PCNX2: variants seen among roughly 807,000 people sequenced by gnomAD.
PCNX2 encodes the protein pecanex 2.
A neutral mutation model predicts 223.8 loss-of-function variants in PCNX2; 168 were observed. The observed-to-expected ratio is 0.75, with a 90% CI of 0.66 to 0.85. The LOEUF (loss-of-function observed/expected upper bound fraction) is 0.85, where lower values mean the gene tolerates loss of function less well. Among genes scored for constraint, PCNX2 ranks in the 40% least tolerant of loss-of-function variants. The pLI, the probability that PCNX2 is intolerant of heterozygous loss-of-function variation, is 0.00. For synonymous variants in PCNX2, 1,006 were observed against 1,052.6 expected, an observed-to-expected ratio of 0.96 and a Z score of 0.86; for missense variants, 2,507 against 2,675.5, an observed-to-expected ratio of 0.94 and a Z score of 1.39.
At chr1:233,178,991 CTCAG>C (rs1679641320) in intron 16 of PCNX2, 71 bp downstream of exon 16, 2 of 1,327,758 alleles carry the variant, frequency 1.5e-6, no homozygotes, top group South Asian at 2.6e-5. Flanking sequence ...GTCTGCCCAT[CTCAG>C]TCAGGGCACA....
chr1:233,007,937 C>T (rs1440724131), intron 28 of PCNX2, among the ~76,000 whole-genome samples: 2 of 152,180 alleles, frequency 1.3e-5, no homozygotes, highest in Non-Finnish European at 2.9e-5. Context: ...CCTCAGCCTC[C>T]CAAAGTGCTG....
At chr1:233,236,808 A>C (rs1284935752) in intron 9 of PCNX2, 37 bp downstream of exon 9, 2 of 1,600,594 alleles carry the variant, frequency 1.2e-6, no homozygotes, top group Non-Finnish European at 1.7e-6. Flanking sequence ...CCCTGTTTCC[A>C]GAACATCCAC....
At chr1:233,217,852 A>C (rs957325504) in intron 12 of PCNX2, 47 bp downstream of exon 12, 139 of 1,611,752 alleles carry the variant, frequency 8.6e-5, no homozygotes, top group Non-Finnish European at 1.2e-4. Context: ...CCCTGTCTTC[A>C]ACACAGACAG....
intron 25 of PCNX2, among the ~76,000 whole-genome samples, chr1:233,027,223 T>G (rs1465930637): frequency 6.6e-6 from 1 of 152,132 alleles, no homozygotes; most frequent in African/African-American, 2.4e-5. Flanking sequence ...AACTGTTAGA[T>G]TTGGCAATAT....
At chr1:233,193,565 G>A (rs1055134221) in intron 15 of PCNX2, among the ~76,000 whole-genome samples, 4 of 152,146 alleles carry the variant, frequency 2.6e-5, no homozygotes, top group Non-Finnish European at 4.4e-5. Context: ...GACAAGTGAT[G>A]CCAATTCAGA....
Position 233,295,609 on chromosome 1 carries a change from C to A in PCNX2, c.-131G>T, listed in dbSNP as rs1197132981. 5 of 1,007,480 alleles carry A rather than the reference C, an allele frequency of 5.0e-6. No homozygotes were observed. Among genetic ancestry groups the A allele is most frequent in the Non-Finnish European group, 6.5e-6 (5 of 774,086 alleles). The allele number at this position is 1,007,480 out of a possible 1,614,324, so 62.4% of individuals were successfully genotyped here. A position where few individuals can be genotyped will look rare whatever the true frequency, so the allele number is the denominator to read the frequency against. ...CCGCCGTCGCCGCCGCCGTCGCCCC[C>A]GCCGCCTCCTTCCACCCCACGTTTG... On this transcript the variant is annotated 5_prime_UTR_variant, in exon 1 of 34. Transcript: ENST00000258229. This position sits in a 1 kb window ranked among gnomAD's most constrained non-coding sequence, Gnocchi z 4.1.
At chr1:233,073,904 A>C (rs2102908569) in intron 23 of PCNX2, among the ~76,000 whole-genome samples, 1 of 152,290 alleles carries the variant, frequency 6.6e-6, no homozygotes, top group South Asian at 2.1e-4. Flanking sequence ...ATAGGCATGA[A>C]CACCACCATG....
intron 1 of PCNX2, among the ~76,000 whole-genome samples, chr1:233,280,549 A>G (rs10797446): frequency 0.64 from 97,298 of 151,980 alleles, 31,501 homozygotes; most frequent in East Asian, 0.82. Context: ...CCACCCGCCT[A>G]GGCCTCCCAA....
chr1:233,050,914 A>G (rs1671981615), intron 25 of PCNX2, among the ~76,000 whole-genome samples: 1 of 152,226 alleles, frequency 6.6e-6, no homozygotes, highest in South Asian at 2.1e-4. Context: ...TAATATTCCC[A>G]AACTATGTAA....
At chr1:233,178,934 A>C in intron 16 of PCNX2, 132 bp downstream of exon 16, 1 of 677,600 alleles carries the variant, frequency 1.5e-6, no homozygotes, top group East Asian at 2.8e-5. Context: ...GTGAGTGACC[A>C]GCTAGTTTAA....
intron 19 of PCNX2, among the ~76,000 whole-genome samples, chr1:233,146,010 T>C (rs1288671584): frequency 1.3e-5 from 2 of 152,124 alleles, no homozygotes; most frequent in African/African-American, 4.8e-5. Flanking sequence ...ACATGACACC[T>C]AAAGAAATGC....
At chr1:233,241,086 C>T (rs10752751) in intron 8 of PCNX2, 561,622 of 773,668 alleles carry the variant, frequency 0.73, 204,599 homozygotes, top group Middle Eastern at 0.78. Flanking sequence ...ACATGTTCAA[C>T]ATGTAGGATG....
the PCNX2 span, among the ~76,000 whole-genome samples, chr1:233,301,797 T>TC: frequency 6.8e-6 from 1 of 148,006 alleles, no homozygotes; most frequent in South Asian, 2.2e-4. Flanking sequence ...GGAACAAGCT[T>TC]TTTTTTTTTT....
intron 1 of PCNX2, among the ~76,000 whole-genome samples, chr1:233,283,033 T>A (rs1042468646): frequency 6.3e-5 from 7 of 111,106 alleles, no homozygotes; most frequent in South Asian, 2.7e-4. Flanking sequence ...AAAAAAAAAA[T>A]AATAATAATA....
At chr1:233,270,630 T>C (rs536153971) in intron 1 of PCNX2, among the ~76,000 whole-genome samples, 1 of 152,312 alleles carries the variant, frequency 6.6e-6, no homozygotes, top group Non-Finnish European at 1.5e-5. Context: ...TCCTGCAAAG[T>C]AAGATGAACA....
At chr1:233,025,075 C>T in intron 26 of PCNX2, 71 bp downstream of exon 26, 1 of 1,574,554 alleles carries the variant, frequency 6.4e-7, no homozygotes, top group Non-Finnish European at 8.7e-7. Context: ...TAGCTTTCGA[C>T]AGAGCTCTTT....
In PCNX2 at chr1:233,000,257, T is replaced by G. The variant is rs1172510290; in HGVS notation, c.5328+48A>C. 2 of 1,548,002 alleles carry G rather than the reference T, an allele frequency of 1.3e-6. No individual in the cohort carries two copies. The highest frequency in any genetic ancestry group is 2.2e-5 in the East Asian group (1 of 44,542). ...CACCACCATTCTATTTCTTCTCAGA[T>G]AGAGAGACACGAGCCAACAGGGGAC... is the stretch of plus-strand genomic sequence containing the variant. On this transcript the variant is annotated intron_variant, in intron 30 of 33. Coordinates refer to ENST00000258229, the MANE Select transcript of PCNX2 (RefSeq NM_014801.4). This position sits in a 1 kb window ranked among gnomAD's most constrained non-coding sequence, Gnocchi z 4.6.
chr1:232,987,790 A>G (rs1669545553), intron 32 of PCNX2, among the ~76,000 whole-genome samples: 1 of 152,222 alleles, frequency 6.6e-6, no homozygotes. Context: ...CCTAGGCTGA[A>G]GGGGCCTTTC....
intron 21 of PCNX2, among the ~76,000 whole-genome samples, chr1:233,122,607 T>C (rs1675866426): frequency 6.6e-6 from 1 of 151,374 alleles, no homozygotes; most frequent in South Asian, 2.1e-4. Flanking sequence ...CACTGCAACC[T>C]CTCCTTCCTG....
Sources: gnomAD v4.1 joint callset for allele counts (sites outside exome capture counted in the v4.1 genomes callset) on GRCh38, gnomAD v4.1.1 for gene constraint, Gnocchi (gnomAD v3.1) non-coding constraint, MANE v1.5 for transcripts, NCBI Gene and HGNC (gene_info 2026-07-23, HGNC 2026-07-21) for gene names.